The following ZBTB7C variants were observed in gnomAD, a reference collection of about 807,000 sequenced individuals.
The protein encoded by ZBTB7C is zinc finger and BTB domain-containing protein 7C.
In ZBTB7C, 8 loss-of-function variants were observed where a neutral mutation model predicts 25.7. The observed-to-expected ratio is 0.31, with a 90% CI of 0.18 to 0.56. The LOEUF is 0.56. Ranked by LOEUF, ZBTB7C falls within the 20% of genes least tolerant of loss-of-function variation. ZBTB7C has a pLI of 0.91. For missense variants in ZBTB7C, 824 were observed against 855.2 expected (o/e 0.96, Z 0.46); for synonymous variants, 394 against 369.0 (o/e 1.07, Z -0.78).
intron 3 of ZBTB7C, among the ~76,000 whole-genome samples, chr18:48,048,474 C>G (rs1005013659): frequency 1.3e-5 from 2 of 152,206 alleles, no homozygotes; most frequent in African/African-American, 4.8e-5. Flanking sequence ...CTCAGATAGC[C>G]TGGGCTGACA....
chr18:48,247,205 T>C (rs760987645), intron 2 of ZBTB7C, among the ~76,000 whole-genome samples: 1 of 152,178 alleles, frequency 6.6e-6, no homozygotes, highest in Non-Finnish European at 1.5e-5. Flanking sequence ...ATATTTAAAT[T>C]AGCAATAATT....
chr18:48,385,871 G>A (rs2047735568), intron 1 of ZBTB7C, among the ~76,000 whole-genome samples: 1 of 152,136 alleles, frequency 6.6e-6, no homozygotes, highest in Non-Finnish European at 1.5e-5. Context: ...TCTCTACAAA[G>A]CTCCCTCAGA....
rs1476032660 is a variant in ZBTB7C, at chr18:48,272,249, C to A, written c.-79+65925G>T. Among the ~76,000 whole-genome samples, 3 of 152,184 alleles carry A rather than the reference C, an allele frequency of 2.0e-5. No individual in the cohort carries two copies. The East Asian group carries it at 5.8e-4, about 29-fold the overall frequency. ...TAGGCAGTATCCAATGCTTTGATGG[C>A]CAAAGTAGGACAAAAGGGTGCAGGA... On this transcript the variant is annotated intron_variant, in intron 2 of 4. Transcript: ENST00000590800.
At chr18:48,226,271 T>C (rs1163749853) in intron 2 of ZBTB7C, among the ~76,000 whole-genome samples, 1 of 152,230 alleles carries the variant, frequency 6.6e-6, no homozygotes, top group Non-Finnish European at 1.5e-5. Flanking sequence ...GATCCCTTCA[T>C]CCAGGAAACA....
chr18:48,395,778 C>T (rs2048017418), intron 1 of ZBTB7C, among the ~76,000 whole-genome samples: 1 of 152,082 alleles, frequency 6.6e-6, no homozygotes, highest in South Asian at 2.1e-4. Flanking sequence ...GAATGAAGAA[C>T]AGGACATTAG....
rs1047119112 is a variant in ZBTB7C at position 48,040,156 on chromosome 18, G to T, written c.952C>A (p.Pro318Thr). ...TTGATGGGTCCCAGAGGCCCCCCCG[G>T]CAGGTCAGGGAACATGTCCTTGAAG... ...DFFKDMFPDL[P>T]GGPLGPIKAE... Residue 318 changes from proline to threonine, a missense_variant, in exon 4 of 5, where the codon CCG becomes ACG. Coordinates refer to ENST00000590800, the MANE Select transcript of ZBTB7C (RefSeq NM_001318841.2). 1 of 1,578,040 alleles carries T rather than the reference G, an allele frequency of 6.3e-7. No individual in the cohort carries two copies. Among genetic ancestry groups the T allele is most frequent in the Non-Finnish European group, 8.6e-7 (1 of 1,162,322 alleles).
intron 2 of ZBTB7C, among the ~76,000 whole-genome samples, chr18:48,219,175 G>A (rs767388026): frequency 6.6e-6 from 1 of 152,154 alleles, no homozygotes; most frequent in East Asian, 1.9e-4. Context: ...CAGAGCATGA[G>A]GGGGAGCCAC....
chr18:48,312,016 A>G (rs2000847), intron 2 of ZBTB7C, among the ~76,000 whole-genome samples: 104,014 of 152,108 alleles, frequency 0.68, 36,111 homozygotes, highest in East Asian at 0.84. Flanking sequence ...CAGGGACAGA[A>G]GGAGGGTTTC....
chr18:48,217,786 C>T (rs1221441446), intron 2 of ZBTB7C, among the ~76,000 whole-genome samples: 1 of 152,212 alleles, frequency 6.6e-6, no homozygotes, highest in East Asian at 1.9e-4. Flanking sequence ...CCCTGTCTGG[C>T]CTGACTAGAG....
At chr18:48,056,574 C>T (rs1337543470) in intron 3 of ZBTB7C, among the ~76,000 whole-genome samples, 1 of 152,052 alleles carries the variant, frequency 6.6e-6, no homozygotes, top group East Asian at 1.9e-4. Flanking sequence ...AACAGACTCA[C>T]ATAAATTCAT....
intron 1 of ZBTB7C, among the ~76,000 whole-genome samples, chr18:48,379,985 A>G (rs2047599881): frequency 1.3e-5 from 2 of 152,218 alleles, no homozygotes; most frequent in South Asian, 2.1e-4. Context: ...ATACTGTAAC[A>G]GTGAATATAA....
chr18:48,112,357 C>T (rs7231687), intron 3 of ZBTB7C, among the ~76,000 whole-genome samples: 11,066 of 99,662 alleles, frequency 0.11, 1,270 homozygotes, highest in African/African-American at 0.32. Flanking sequence ...TTTACCATTT[C>T]TTTTTTTGAG....
chr18:48,333,412 T>G (rs1469355429), intron 2 of ZBTB7C, among the ~76,000 whole-genome samples: 1 of 152,208 alleles, frequency 6.6e-6, no homozygotes, highest in East Asian at 1.9e-4. Flanking sequence ...CTTTTACTTT[T>G]AGAGCGCATG....
intron 3 of ZBTB7C, among the ~76,000 whole-genome samples, chr18:48,054,403 T>TGCCGTGGGGGGTGGCA (rs2036829768): frequency 6.6e-6 from 1 of 152,104 alleles, no homozygotes; most frequent in Non-Finnish European, 1.5e-5. Flanking sequence ...GGGGAGGAGC[T>TGCCGTGGGGGGTGGCA]GCCGTGGGGG....
intron 2 of ZBTB7C, among the ~76,000 whole-genome samples, chr18:48,284,123 G>C (rs1198847096): frequency 4.0e-5 from 6 of 151,650 alleles, no homozygotes; most frequent in Non-Finnish European, 8.8e-5. Context: ...CTTCAGCCTG[G>C]GCAACAAAGA....
chr18:48,280,808 G>C (rs966973125), intron 2 of ZBTB7C, among the ~76,000 whole-genome samples: 1 of 147,142 alleles, frequency 6.8e-6, no homozygotes, highest in Non-Finnish European at 1.5e-5. Flanking sequence ...ATTATTCCTT[G>C]ATTTAAGCAC....
At chr18:48,288,467 G>C (rs2045122974) in intron 2 of ZBTB7C, among the ~76,000 whole-genome samples, 1 of 150,468 alleles carries the variant, frequency 6.6e-6, no homozygotes, top group African/African-American at 2.5e-5. Flanking sequence ...GGCCAACATG[G>C]TGAAATACCA....
chr18:48,240,433 T>C (rs924290373), intron 2 of ZBTB7C, among the ~76,000 whole-genome samples: 1 of 152,152 alleles, frequency 6.6e-6, no homozygotes, highest in Non-Finnish European at 1.5e-5. Context: ...ATAATCTTAA[T>C]AGCTGTGAGG....
At chr18:48,207,606 T>TATC (rs2042607068) in intron 2 of ZBTB7C, among the ~76,000 whole-genome samples, 1 of 147,112 alleles carries the variant, frequency 6.8e-6, no homozygotes, top group Non-Finnish European at 1.5e-5. Flanking sequence ...TCTATCTATC[T>TATC]ATCTATCTAT....
Sources: gnomAD v4.1 joint callset for allele counts (sites outside exome capture counted in the v4.1 genomes callset) on GRCh38, gnomAD v4.1.1 for gene constraint, MANE v1.5 for transcripts, NCBI Gene and HGNC (gene_info 2026-07-23, HGNC 2026-07-21) for gene names.